The following FNDC1 variants were observed in gnomAD, a reference collection of about 807,000 sequenced individuals.
FNDC1 encodes fibronectin type III domain-containing protein 1.
In FNDC1, 96 loss-of-function variants were observed where a neutral mutation model predicts 168.0. That is an observed-to-expected ratio of 0.57 (90% CI 0.48 to 0.68). FNDC1 has a LOEUF of 0.68. Ranked by LOEUF, FNDC1 falls within the 30% of genes least tolerant of loss-of-function variation. The pLI is 0.00. For missense variants in FNDC1, 2,587 were observed against 2,482.1 expected (o/e 1.04, Z -0.90); for synonymous variants, 1,099 against 1,025.9 (o/e 1.07, Z -1.36).
intron 22 of FNDC1, among the ~76,000 whole-genome samples, chr6:159,268,212 C>T (rs898002621): frequency 2.0e-5 from 3 of 151,984 alleles, no homozygotes; most frequent in Non-Finnish European, 2.9e-5. Context: ...CAGGAGGTAA[C>T]GTATAAGCTA....
At chr6:159,203,862 A>G in intron 4 of FNDC1, among the ~76,000 whole-genome samples, 1 of 152,208 alleles carries the variant, frequency 6.6e-6, no homozygotes, top group East Asian at 1.9e-4. Flanking sequence ...GCCTCAGCCC[A>G]GCTAGTTAGT....
intron 19 of FNDC1, among the ~76,000 whole-genome samples, chr6:159,261,648 T>A (rs1342722694): frequency 6.6e-6 from 1 of 152,220 alleles, no homozygotes; most frequent in Non-Finnish European, 1.5e-5. Context: ...GCCTTTCCAA[T>A]GAGCCAAGAC....
chr6:159,197,366 G>T (rs1024495938), intron 1 of FNDC1, 65 bp from the exon 2 acceptor site: 17 of 1,430,090 alleles, frequency 1.2e-5, no homozygotes, highest in Non-Finnish European at 1.5e-5. Flanking sequence ...TATCAAAGAC[G>T]ATTAAAAAAA....
intron 21 of FNDC1, 130 bp downstream of exon 21, chr6:159,266,375 T>A: frequency 1.1e-6 from 1 of 936,708 alleles, no homozygotes; most frequent in Non-Finnish European, 1.6e-6. Context: ...ACTCTGCCTC[T>A]AATACAAACC....
chr6:159,242,382 C>T lies in FNDC1; in HGVS notation c.4621+2425C>T, dbSNP rs12660567. Among the ~76,000 whole-genome samples the T allele has an allele frequency of 2.1e-3, 314 of 152,252 alleles. 5 individuals are homozygous for T. In the East Asian group the frequency reaches 0.049, roughly 24 times the overall value. On this transcript the variant is annotated intron_variant, in intron 14 of 22. Transcript: ENST00000297267. The stretch of plus-strand genomic sequence containing the variant: ...CATTGGGAAAAATAGCTAATGCATG[C>T]AGGGCTTAATACTTAGGTGATGGGT...
chr6:159,213,670 A>T (rs900329508), intron 4 of FNDC1, among the ~76,000 whole-genome samples: 21 of 151,192 alleles, frequency 1.4e-4, no homozygotes, highest in Admixed American at 6.6e-4. Context: ...AGATCTGCTC[A>T]TTTTACTGGA....
At chr6:159,179,266 C>A (rs542052044) in intron 1 of FNDC1, among the ~76,000 whole-genome samples, 76 of 152,200 alleles carry the variant, frequency 5.0e-4, no homozygotes, top group Admixed American at 1.8e-3. Flanking sequence ...AGATCGAGAC[C>A]AGCCTGGCCA....
intron 1 of FNDC1, among the ~76,000 whole-genome samples, chr6:159,178,730 G>T (rs1316403581): frequency 1.3e-5 from 2 of 151,400 alleles, no homozygotes; most frequent in African/African-American, 2.4e-5. Context: ...ACTGCAGTTA[G>T]CTTGCAAGTG....
At chr6:159,194,644 T>C (rs1214827552) in intron 1 of FNDC1, among the ~76,000 whole-genome samples, 2 of 152,334 alleles carry the variant, frequency 1.3e-5, no homozygotes, top group South Asian at 2.1e-4. Context: ...ATTGCACTCA[T>C]GAGACCTTCA....
intron 17 of FNDC1, among the ~76,000 whole-genome samples, chr6:159,253,809 A>G (rs1055353688): frequency 6.6e-6 from 1 of 152,206 alleles, no homozygotes; most frequent in East Asian, 1.9e-4. Flanking sequence ...AGTGCCTTAC[A>G]TGGGAAACGC....
At chr6:159,254,018 G>A (rs916923017) in intron 17 of FNDC1, among the ~76,000 whole-genome samples, 3 of 152,208 alleles carry the variant, frequency 2.0e-5, no homozygotes, top group Non-Finnish European at 2.9e-5. Context: ...CTCTTCCCAA[G>A]TTCAATGACT....
At chr6:159,204,052 G>T (rs1782433285) in intron 4 of FNDC1, among the ~76,000 whole-genome samples, 1 of 152,174 alleles carries the variant, frequency 6.6e-6, no homozygotes, top group African/African-American at 2.4e-5. Flanking sequence ...TCTAATTTCT[G>T]CCTCATTTTT....
At chr6:159,264,818 T>C (rs543081299) in intron 19 of FNDC1, among the ~76,000 whole-genome samples, 157 bp from the exon 20 acceptor site, 7 of 152,322 alleles carry the variant, frequency 4.6e-5, no homozygotes, top group Admixed American at 3.3e-4. Context: ...AAAGGAAATG[T>C]TTAGAAAATA....
chr6:159,200,780 A>C (rs540943392), intron 4 of FNDC1, among the ~76,000 whole-genome samples, 199 bp downstream of exon 4: 3 of 151,994 alleles, frequency 2.0e-5, no homozygotes, highest in African/African-American at 7.2e-5. Context: ...CTTATTGTTC[A>C]CCGTTCTTTC....
At chr6:159,185,071 G>GGT in intron 1 of FNDC1, among the ~76,000 whole-genome samples, 1 of 109,758 alleles carries the variant, frequency 9.1e-6, no homozygotes, top group Middle Eastern at 7.4e-3. Context: ...GGAGGGTGGG[G>GGT]GGGGGGGAAT....
At chr6:159,255,326 T>G (rs1223834972) in intron 17 of FNDC1, among the ~76,000 whole-genome samples, 1 of 152,094 alleles carries the variant, frequency 6.6e-6, no homozygotes, top group Non-Finnish European at 1.5e-5. Flanking sequence ...CCATCCCACC[T>G]CCTACCACAC....
In FNDC1 at chr6:159,232,157, C is replaced by G; in HGVS notation, c.1645C>G (p.Arg549Gly). The part of the protein sequence containing the change: ...EITGEEELGS[R>G]EDSPMSPSDT... ...CACTGGGGAGGAGGAGCTGGGTTCC[C>G]GGGAGGACTCGCCCATGTCACCCTC... The change falls in exon 11 of 23, where the codon CGG (arginine) becomes GGG (glycine). Residue 549 changes from arginine (R) to glycine (G), a missense_variant. Arg to Gly is a moderately radical substitution (Grantham distance 125, BLOSUM62 -2). Transcript: ENST00000297267. The surrounding 1 kb of genome is among the most constrained non-coding windows in gnomAD (Gnocchi z 4.9). 1 of 1,613,860 alleles carries G rather than the reference C, an allele frequency of 6.2e-7. No homozygotes were observed. Among genetic ancestry groups the G allele is most frequent in the Admixed American group, 1.7e-5 (1 of 60,016 alleles).
Position 159,187,595 on chromosome 6 carries a change from C to T in FNDC1, c.110-9836C>T, listed in dbSNP as rs1469787256. ...GACTGTGTCTACCCAACAGCAGCCTCCTCGGGGAAAATTCAATCCACCATC... is the reference window on the plus strand; with the variant it reads ...GACTGTGTCTACCCAACAGCAGCCTTCTCGGGGAAAATTCAATCCACCATC... On this transcript the variant is annotated intron_variant, in intron 1 of 22. Transcript: ENST00000297267. Among the ~76,000 whole-genome samples, 3 of 152,132 alleles carry T rather than the reference C, an allele frequency of 2.0e-5. No individual in the cohort carries two copies. In the East Asian group the frequency reaches 5.8e-4, roughly 29 times the overall value.
intron 18 of FNDC1, among the ~76,000 whole-genome samples, chr6:159,258,249 G>A (rs1162911592): frequency 6.6e-6 from 1 of 152,132 alleles, no homozygotes; most frequent in East Asian, 1.9e-4. Flanking sequence ...AAATACACAT[G>A]GCCCTGCCCT....
Sources: gnomAD v4.1 joint callset for allele counts (sites outside exome capture counted in the v4.1 genomes callset) on GRCh38, gnomAD v4.1.1 for gene constraint, Gnocchi (gnomAD v3.1) non-coding constraint, MANE v1.5 for transcripts, NCBI Gene and HGNC (gene_info 2026-07-23, HGNC 2026-07-21) for gene names.